DZIP3: variants seen among roughly 807,000 people sequenced by gnomAD.
The protein encoded by DZIP3 is DAZ interacting zinc finger protein 3.
A neutral mutation model predicts 162.0 loss-of-function variants in DZIP3; 118 were observed. The observed-to-expected ratio is 0.73, with a 90% CI of 0.63 to 0.85. The LOEUF (loss-of-function observed/expected upper bound fraction) is 0.85, where lower values mean the gene tolerates loss of function less well. DZIP3 is among the 40% of genes least tolerant of loss of function. The pLI, the probability that DZIP3 is intolerant of heterozygous loss-of-function variation, is 0.00. For synonymous variants in DZIP3, 438 were observed against 458.6 expected, an observed-to-expected ratio of 0.96 and a Z score of 0.57; for missense variants, 1,331 against 1,407.0, an observed-to-expected ratio of 0.95 and a Z score of 0.86.
intron 18 of DZIP3, 117 bp from the exon 19 acceptor site, chr3:108,654,027 AC>A: frequency 9.5e-7 from 1 of 1,054,888 alleles, no homozygotes; most frequent in Non-Finnish European, 1.4e-6. Context: ...TTGATCATGA[AC>A]CCTTCTAATG....
rs776001619 is a variant in DZIP3 at position 108,684,305 on chromosome 3, A to G, written c.2973A>G (p.Gly991=). 1.9e-6 allele frequency: 3 copies of G among 1,612,918 alleles called. No homozygotes were observed. The highest frequency in any genetic ancestry group is 2.5e-6 in the Non-Finnish European group (3 of 1,179,526). The part of the protein sequence containing the change: ...TVPQMPAVCP[G]VVSATGQPRA... ...CTCAAATGCCTGCAGTTTGCCCGGG[A>G]GTCGTCTCTGCAACTGGCCAACCTA... Residue 991 remains glycine (G), a synonymous_variant, in exon 27 of 33, where the codon GGA becomes GGG. Transcript: ENST00000361582.
At chr3:108,690,577 G>A (rs1944653757) in intron 31 of DZIP3, among the ~76,000 whole-genome samples, 1 of 152,174 alleles carries the variant, frequency 6.6e-6, no homozygotes, top group African/African-American at 2.4e-5. Flanking sequence ...AGAATAAACT[G>A]GCTAAAAGGT....
intron 19 of DZIP3, among the ~76,000 whole-genome samples, chr3:108,657,945 C>T (rs990794945): frequency 6.6e-5 from 10 of 152,142 alleles, no homozygotes; most frequent in Non-Finnish European, 1.3e-4. Context: ...GCTAACTATC[C>T]TAAATATATA....
chr3:108,606,110 T>C (rs755224124), intron 2 of DZIP3, among the ~76,000 whole-genome samples: 14 of 152,242 alleles, frequency 9.2e-5, no homozygotes, highest in African/African-American at 3.4e-4. Context: ...TTAGTGTTTT[T>C]ACATTATGTT....
chr3:108,655,807 G>A (rs537964305), intron 19 of DZIP3, among the ~76,000 whole-genome samples: 57 of 152,278 alleles, frequency 3.7e-4, no homozygotes, highest in East Asian at 1.4e-3. Flanking sequence ...CTAATGCTGC[G>A]CTTTTCTGAC....
intron 8 of DZIP3, 51 bp from the exon 9 acceptor site, chr3:108,632,902 T>C: frequency 2.7e-6 from 3 of 1,121,602 alleles, no homozygotes; most frequent in Non-Finnish European, 3.6e-6. Flanking sequence ...AATTGTGGTG[T>C]TAATTTATTA....
intron 11 of DZIP3, 53 bp from the exon 12 acceptor site, chr3:108,637,443 C>A: frequency 6.7e-7 from 1 of 1,488,792 alleles, no homozygotes; most frequent in Non-Finnish European, 9.3e-7. Context: ...TAACATTAAA[C>A]ATTTTGAAAA....
chr3:108,619,633 G>T (rs1941220983), intron 5 of DZIP3, among the ~76,000 whole-genome samples: 1 of 152,086 alleles, frequency 6.6e-6, no homozygotes, highest in South Asian at 2.1e-4. Context: ...TCTACTTTTT[G>T]TTCTATGCAG....
intron 21 of DZIP3, among the ~76,000 whole-genome samples, chr3:108,666,222 C>T (rs1366715153): frequency 6.6e-6 from 1 of 151,672 alleles, no homozygotes; most frequent in Non-Finnish European, 1.5e-5. Context: ...AGGGATATAT[C>T]ATGCAGATGT....
At chr3:108,635,301 A>C (rs1413251114) in intron 10 of DZIP3, 1 of 234,358 alleles carries the variant, frequency 4.3e-6, no homozygotes, top group Non-Finnish European at 8.4e-6. Flanking sequence ...ATTGTTGCAT[A>C]TATGCACATA....
At chr3:108,672,512 G>A (rs772690671) in intron 22 of DZIP3, 48 bp from the exon 23 acceptor site, 2 of 1,453,638 alleles carry the variant, frequency 1.4e-6, no homozygotes, top group Non-Finnish European at 1.9e-6. Context: ...GATGAAAAAG[G>A]CTCTGCTTGA....
intron 6 of DZIP3, among the ~76,000 whole-genome samples, 161 bp from the exon 7 acceptor site, chr3:108,625,684 C>T (rs1016138059): frequency 2.0e-5 from 3 of 152,014 alleles, no homozygotes; most frequent in Non-Finnish European, 4.4e-5. Context: ...TCTTTGTAAT[C>T]ACATGCAGAG....
intron 19 of DZIP3, among the ~76,000 whole-genome samples, chr3:108,658,465 A>G (rs1181703833): frequency 6.6e-6 from 1 of 152,190 alleles, no homozygotes; most frequent in African/African-American, 2.4e-5. Flanking sequence ...ACAACATACC[A>G]GAATCTCTGG....
chr3:108,641,516 G>T (rs912854032), intron 12 of DZIP3, among the ~76,000 whole-genome samples: 1 of 152,066 alleles, frequency 6.6e-6, no homozygotes, highest in African/African-American at 2.4e-5. Context: ...TGTACATGTC[G>T]CTAGGTCAAT....
chr3:108,693,834 C>T lies in DZIP3; in HGVS notation c.*481C>T, dbSNP rs879345971. ...AAGTCTGTAATTTCAGTTTTTGTGT[C>T]GGGGAGAGGGAAAAACTATTTGTCT... On this transcript the variant is annotated 3_prime_UTR_variant, in exon 33 of 33. Transcript: ENST00000361582. The T allele has an allele frequency of 9.2e-5, 14 of 152,076 alleles. 1 individual carries two copies. The highest frequency in any genetic ancestry group is 3.9e-4 in the Admixed American group (6 of 15,252). The allele number at this position is 152,076 out of a possible 1,614,324, so 9.4% of individuals were successfully genotyped here.
At chr3:108,595,683 C>T (rs527557921) in intron 1 of DZIP3, among the ~76,000 whole-genome samples, 8 of 152,294 alleles carry the variant, frequency 5.3e-5, no homozygotes, top group Non-Finnish European at 7.4e-5. Context: ...CTAGAAAGAA[C>T]ATATTGTCTT....
In DZIP3 at chr3:108,590,236, C is replaced by T. The variant is rs1337043876; in HGVS notation, c.-73+397C>T. ...TGCATGTGTATGTAATGAAGCGAGT[C>T]AGTTACTGGTTTTGGAGCTTTTTGC... On this transcript the variant is annotated intron_variant, in intron 1 of 32. Coordinates refer to ENST00000361582, the MANE Select transcript of DZIP3 (RefSeq NM_014648.4). 5.9e-5 allele frequency: 9 copies of T among 152,268 alleles called. No individual in the cohort carries two copies. The South Asian group carries it at 6.2e-4, about 11-fold the overall frequency. 9.4% of individuals were successfully genotyped at this position (152,268 alleles called of 1,614,324 possible).
chr3:108,683,977 A>G (rs920438534), intron 26 of DZIP3, among the ~76,000 whole-genome samples: 47 of 152,276 alleles, frequency 3.1e-4, no homozygotes, highest in African/African-American at 8.7e-4. Context: ...TGTGACTAGA[A>G]GCTATTTCTT....
At chr3:108,592,815 G>A (rs1404293301) in intron 1 of DZIP3, among the ~76,000 whole-genome samples, 8 of 151,064 alleles carry the variant, frequency 5.3e-5, no homozygotes, top group African/African-American at 1.7e-4. Flanking sequence ...TTATCATTAC[G>A]TTTATTCTAA....
Sources: gnomAD v4.1 joint callset for allele counts (sites outside exome capture counted in the v4.1 genomes callset) on GRCh38, gnomAD v4.1.1 for gene constraint, MANE v1.5 for transcripts, NCBI Gene and HGNC (gene_info 2026-07-23, HGNC 2026-07-21) for gene names.